The following ATAD2B variants were observed in gnomAD, a reference collection of about 807,000 sequenced individuals.
ATAD2B encodes ATPase family AAA domain containing 2B.
In ATAD2B, 40 loss-of-function variants were observed where a neutral mutation model predicts 167.6. The ratio of observed to expected loss-of-function variants is 0.24; its 90% confidence interval spans 0.19 to 0.31. The LOEUF is 0.31. Among genes scored for constraint, ATAD2B ranks in the 10% least tolerant of loss-of-function variants. The pLI is 1.00. For synonymous variants in ATAD2B, 579 were observed against 596.5 expected (o/e 0.97, Z 0.43); for missense variants, 1,242 against 1,757.2 (o/e 0.71, Z 5.24).
At chr2:23,880,014 T>C (rs960779919) in intron 7 of ATAD2B, among the ~76,000 whole-genome samples, 1 of 147,550 alleles carries the variant, frequency 6.8e-6, no homozygotes, top group Admixed American at 6.8e-5. Flanking sequence ...ACTGAGATAA[T>C]GCCACTGTAC....
intron 1 of ATAD2B, among the ~76,000 whole-genome samples, chr2:23,900,437 A>G (rs1700683314): frequency 6.6e-6 from 1 of 152,168 alleles, no homozygotes; most frequent in African/African-American, 2.4e-5. Context: ...TAAAGTGTGC[A>G]TTAAAGGTCA....
In ATAD2B at chr2:23,918,171, G is replaced by A. The variant is rs565726055; in HGVS notation, c.216+8384C>T. On this transcript the variant is annotated intron_variant, in intron 1 of 27. Coordinates refer to ENST00000238789, the MANE Select transcript of ATAD2B (RefSeq NM_017552.4). ...TCTTGAGCCCAGGAGTTTGAGACCA[G>A]CTTGGGCAACATAGCAAAACCTTGT... 1.4e-5 allele frequency among the ~76,000 whole-genome samples: 2 copies of A among 139,750 alleles called. 1 individual carries two copies. The highest frequency in any genetic ancestry group is 4.4e-4 in the South Asian group (2 of 4,498). The allele number at this position is 139,750 out of a possible 152,430, so 91.7% of individuals were successfully genotyped here. A position where few individuals can be genotyped will look rare whatever the true frequency, so the allele number is the denominator to read the frequency against.
chr2:23,683,293 G>A, the ATAD2B span, among the ~76,000 whole-genome samples: 1 of 152,240 alleles, frequency 6.6e-6, no homozygotes, highest in Non-Finnish European at 1.5e-5. Flanking sequence ...GAAATCGCCT[G>A]GCCTGAAGAC....
chr2:23,826,493 CA>C (rs879502565), intron 15 of ATAD2B, among the ~76,000 whole-genome samples: 2 of 152,112 alleles, frequency 1.3e-5, no homozygotes, highest in African/African-American at 2.4e-5. Context: ...TCTACCATTA[CA>C]ATTCTAATAC....
chr2:23,780,237 GAT>G (rs879419878), intron 22 of ATAD2B, among the ~76,000 whole-genome samples: 9,721 of 150,354 alleles, frequency 0.065, 399 homozygotes, highest in African/African-American at 0.12. Flanking sequence ...AACAGAACAA[GAT>G]GCTGTCTCCA....
the ATAD2B span, among the ~76,000 whole-genome samples, chr2:23,739,514 C>T: frequency 6.6e-6 from 1 of 152,012 alleles, no homozygotes; most frequent in Non-Finnish European, 1.5e-5. Flanking sequence ...AGAACAAAGA[C>T]ACAACATACC....
intron 17 of ATAD2B, among the ~76,000 whole-genome samples, chr2:23,817,422 G>T (rs921210012): frequency 3.3e-5 from 5 of 152,146 alleles, no homozygotes; most frequent in African/African-American, 1.2e-4. Context: ...TATCTAATTT[G>T]TAAAAAGCAC....
At chr2:23,760,770 A>ACC (rs890201525) in intron 24 of ATAD2B, among the ~76,000 whole-genome samples, 1 of 55,602 alleles carries the variant, frequency 1.8e-5, no homozygotes, top group Non-Finnish European at 4.2e-5. Context: ...ACACACACAC[A>ACC]CCACTTCCTT....
At position 23,926,865 on chromosome 2, in the gene ATAD2B, G is replaced by A. The variant is rs1704954779; in HGVS notation, c.-95C>T. The A allele has an allele frequency of 4.3e-6, 6 of 1,399,806 alleles. No homozygotes were observed. The highest frequency in any genetic ancestry group is 4.7e-6 in the Non-Finnish European group (5 of 1,064,834). 86.7% of individuals were successfully genotyped at this position (1,399,806 alleles called of 1,614,324 possible). ...CAGTCAGGGCCAGCGGAGCCGAGCCGGGCAATGAGAGACGAGCCGGCCCGG... is the reference window on the plus strand; with the variant it reads ...CAGTCAGGGCCAGCGGAGCCGAGCCAGGCAATGAGAGACGAGCCGGCCCGG... On this transcript the variant is annotated 5_prime_UTR_variant, in exon 1 of 28. Coordinates refer to ENST00000238789, the MANE Select transcript of ATAD2B (RefSeq NM_017552.4).
chr2:23,728,141 T>C, the ATAD2B span, among the ~76,000 whole-genome samples: 28 of 152,002 alleles, frequency 1.8e-4, no homozygotes, highest in Admixed American at 1.3e-4. Flanking sequence ...ATAGGGGAAA[T>C]AGGGCAGGGG....
the ATAD2B span, among the ~76,000 whole-genome samples, chr2:23,728,721 G>A: frequency 1.3e-5 from 2 of 151,866 alleles, no homozygotes; most frequent in Admixed American, 6.6e-5. Flanking sequence ...TGTTTGTTTT[G>A]GTGATATGGG....
the ATAD2B span, chr2:23,697,731 TGG>T: frequency 6.6e-6 from 1 of 152,224 alleles, no homozygotes; most frequent in Non-Finnish European, 1.5e-5. Flanking sequence ...CTGGCAATCA[TGG>T]GCATTGCCAC....
the ATAD2B span, among the ~76,000 whole-genome samples, chr2:23,701,077 T>C: frequency 6.6e-6 from 1 of 152,218 alleles, no homozygotes; most frequent in African/African-American, 2.4e-5. Flanking sequence ...CCACAAATAC[T>C]GTAAACTTCC....
At chr2:23,706,745 C>T in the ATAD2B span, 2 of 989,754 alleles carry the variant, frequency 2.0e-6, no homozygotes, top group African/African-American at 3.3e-5. Flanking sequence ...CCAGCGACAC[C>T]AACAAGAGGC....
At chr2:23,824,915 C>A (rs1364172162) in intron 15 of ATAD2B, among the ~76,000 whole-genome samples, 1 of 152,088 alleles carries the variant, frequency 6.6e-6, no homozygotes, top group African/African-American at 2.4e-5. Flanking sequence ...TAGACCCTAA[C>A]TAAGCTTCAA....
the ATAD2B span, among the ~76,000 whole-genome samples, chr2:23,723,602 G>A: frequency 6.6e-6 from 1 of 152,092 alleles, no homozygotes; most frequent in Non-Finnish European, 1.5e-5. Context: ...TAATCCTCAG[G>A]AAAATACAAA....
chr2:23,771,808 G>T (rs1268191333), intron 22 of ATAD2B, among the ~76,000 whole-genome samples: 2 of 152,086 alleles, frequency 1.3e-5, no homozygotes, highest in Non-Finnish European at 2.9e-5. Context: ...TCACACATAT[G>T]CACTAACCAG....
At chr2:23,893,938 A>G (rs1699863295) in intron 2 of ATAD2B, among the ~76,000 whole-genome samples, 1 of 152,022 alleles carries the variant, frequency 6.6e-6, no homozygotes. Flanking sequence ...TTCTGGGATT[A>G]CAGGCATGAG....
intron 7 of ATAD2B, among the ~76,000 whole-genome samples, chr2:23,878,012 A>AAAAC (rs1697222004): frequency 1.3e-5 from 1 of 79,842 alleles, no homozygotes; most frequent in Non-Finnish European, 2.7e-5. Flanking sequence ...CCTATCTCCA[A>AAAAC]AGAAAAAAAA....
Sources: gnomAD v4.1 joint callset for allele counts (sites outside exome capture counted in the v4.1 genomes callset) on GRCh38, gnomAD v4.1.1 for gene constraint, MANE v1.5 for transcripts, NCBI Gene and HGNC (gene_info 2026-07-23, HGNC 2026-07-21) for gene names.